The following GPR137 variants were observed in gnomAD, a reference collection of about 807,000 sequenced individuals.
The protein encoded by GPR137 is G protein-coupled receptor 137, also known as integral membrane protein GPR137.
GPR137 carries 20 observed loss-of-function variants against 38.9 expected under a neutral mutation model. The observed-to-expected ratio is 0.51, with a 90% confidence interval of 0.36 to 0.75. The LOEUF (loss-of-function observed/expected upper bound fraction) is 0.75, where lower values mean the gene tolerates loss of function less well. Ranked by LOEUF, GPR137 falls within the 30% of genes least tolerant of loss-of-function variation. GPR137 has a pLI of 0.00. For synonymous variants in GPR137, 226 were observed against 235.8 expected, an observed-to-expected ratio of 0.96 and a Z score of 0.38; for missense variants, 456 against 526.4, an observed-to-expected ratio of 0.87 and a Z score of 1.31.
At chr11:64,285,748 G>T, upstream of GPR137, 1 of 985,366 alleles carries the variant, frequency 1.0e-6, no homozygotes, top group Non-Finnish European at 1.2e-6. Context: ...TTCTCGTACG[G>T]TTTCACGCCG....
rs2034113881 is a variant in GPR137 at position 64,286,728 on chromosome 11, C to G, written c.204C>G (p.Leu68=). The change falls in exon 1 of 7, where the codon CTC becomes CTG. Residue 68 remains leucine, a synonymous_variant. Transcript: ENST00000438980. ...YQTVFLALCL[L]WAALRTTLFS... ...CGGTGTTCCTGGCCCTCTGTCTGCT[C>G]TGGGCCGCCTTGCGTACCACCCTCT... The G allele has an allele frequency of 1.2e-6, 2 of 1,613,512 alleles. No individual in the cohort carries two copies. The highest frequency in any genetic ancestry group is 1.7e-6 in the Non-Finnish European group (2 of 1,179,718).
chr11:64,287,537 C>T (rs554629174), intron 2 of GPR137, 184 bp from the exon 3 acceptor site: 1 of 779,100 alleles, frequency 1.3e-6, no homozygotes, highest in Non-Finnish European at 1.6e-6. Flanking sequence ...TTCCGAAGTA[C>T]CATGGCTGTC....
upstream of GPR137, among the ~76,000 whole-genome samples, chr11:64,271,162 A>ACACG (rs1335844292): frequency 9.6e-3 from 2 of 208 alleles, 1 homozygote; most frequent in Non-Finnish European, 0.029. Context: ...ACACACACAC[A>ACACG]CCTGGAGTGG....
upstream of GPR137, chr11:64,284,606 C>T (rs2135155066): frequency 4.0e-6 from 6 of 1,501,582 alleles, no homozygotes; most frequent in African/African-American, 2.8e-5. Flanking sequence ...CCGCCCCGCC[C>T]GTGGTGACGG....
upstream of GPR137, among the ~76,000 whole-genome samples, chr11:64,281,434 T>G (rs2033462904): frequency 6.6e-6 from 1 of 152,240 alleles, no homozygotes; most frequent in Non-Finnish European, 1.5e-5. Flanking sequence ...AATCTGACCA[T>G]GCTGCCTCTG....
chr11:64,276,954 C>T lies in GPR137; in HGVS notation c.-16+533C>T, dbSNP rs572347455. 4.4e-5 allele frequency: 33 copies of T among 754,516 alleles called. No individual in the cohort carries two copies. The East Asian group carries it at 5.7e-4, about 13-fold the overall frequency. 46.7% of individuals were successfully genotyped at this position (754,516 alleles called of 1,614,324 possible). A position where few individuals can be genotyped will look rare whatever the true frequency, so the allele number is the denominator to read the frequency against. ...TGGGCTTCTGAGTCAGCGGCTGGGG[C>T]GGACATCCCTGCTGATGCTTCCGCG... On this transcript the variant is annotated intron_variant, in intron 2 of 2. Transcript: ENST00000538244.
Position 64,286,717 on chromosome 11 carries a change from C to T in GPR137, c.193C>T (p.Leu65Phe). The T allele has an allele frequency of 6.2e-7, 1 of 1,613,792 alleles. No individual in the cohort carries two copies. Among genetic ancestry groups the T allele is most frequent in the Non-Finnish European group, 8.5e-7 (1 of 1,179,810 alleles). Residue 65 changes from leucine to phenylalanine, a missense_variant, in exon 1 of 7, where the codon CTC (leucine) becomes TTC (phenylalanine). Leu to Phe is a conservative substitution (Grantham distance 22). Transcript: ENST00000438980. ...CAGCTATCAGACGGTGTTCCTGGCCCTCTGTCTGCTCTGGGCCGCCTTGCG... is the reference window on the plus strand; with the variant it reads ...CAGCTATCAGACGGTGTTCCTGGCCTTCTGTCTGCTCTGGGCCGCCTTGCG... Reference protein sequence around the residue: ...RLSYQTVFLALCLLWAALRTT... With the variant: ...RLSYQTVFLAFCLLWAALRTT...
At chr11:64,276,330 G>T (rs1297876516) in intron 1 of GPR137, 1 of 82,306 alleles carries the variant, frequency 1.2e-5, no homozygotes, top group East Asian at 4.2e-4. Context: ...ATATATATAT[G>T]TATTTTTTTT....
At chr11:64,277,661 ACTC>A (rs1383294925) in intron 2 of GPR137, among the ~76,000 whole-genome samples, 1 of 151,934 alleles carries the variant, frequency 6.6e-6, no homozygotes, top group African/African-American at 2.4e-5. Flanking sequence ...CTGGTCTCGA[ACTC>A]CTGAGCTCAA....
At chr11:64,271,657 G>A, upstream of GPR137, 1 of 1,509,408 alleles carries the variant, frequency 6.6e-7, no homozygotes, top group Non-Finnish European at 8.9e-7. Context: ...CGGAGCTCGC[G>A]GCCATAGCGC....
At chr11:64,271,757 CGCGGG>C, upstream of GPR137, 3 of 1,445,612 alleles carry the variant, frequency 2.1e-6, no homozygotes, top group Non-Finnish European at 1.8e-6. Context: ...CCTCCGTCCC[CGCGGG>C]GTAGGAGCTG....
At chr11:64,280,394 C>A (rs2033381839), upstream of GPR137, among the ~76,000 whole-genome samples, 2 of 143,176 alleles carry the variant, frequency 1.4e-5, no homozygotes. Flanking sequence ...CTCTGTCGCC[C>A]AGGCTGGAGT....
chr11:64,287,068 GTCCCATGTAGA>G, intron 2 of GPR137, 54 bp downstream of exon 2: 2 of 1,588,078 alleles, frequency 1.3e-6, no homozygotes, highest in Non-Finnish European at 1.7e-6. Flanking sequence ...GCAGGTGACA[GTCCCATGTAGA>G]TCCCTTCCCA....
chr11:64,278,257 G>C (rs1374797802), intron 2 of GPR137, among the ~76,000 whole-genome samples: 1 of 151,974 alleles, frequency 6.6e-6, no homozygotes, highest in Non-Finnish European at 1.5e-5. Flanking sequence ...AGCCAAGAAT[G>C]TACATAAAGG....
chr11:64,274,160 A>C (rs2032859275), upstream of GPR137, among the ~76,000 whole-genome samples: 1 of 152,160 alleles, frequency 6.6e-6, no homozygotes, highest in South Asian at 2.1e-4. Flanking sequence ...TGGGAGGCCG[A>C]GGCAGGCGCA....
chr11:64,270,778 G>C (rs1788474876), upstream of GPR137: 3 of 426,160 alleles, frequency 7.0e-6, no homozygotes, highest in Non-Finnish European at 1.4e-5. Flanking sequence ...CTGGGCGACA[G>C]AGCGCACAGG....
At chr11:64,277,830 C>G (rs1403782160) in intron 2 of GPR137, among the ~76,000 whole-genome samples, 1 of 152,208 alleles carries the variant, frequency 6.6e-6, no homozygotes, top group African/African-American at 2.4e-5. Context: ...CTGTGACAAC[C>G]ACTCACCTTT....
chr11:64,285,747 G>A, upstream of GPR137: 1 of 985,372 alleles, frequency 1.0e-6, no homozygotes, highest in Non-Finnish European at 1.2e-6. Flanking sequence ...ATTCTCGTAC[G>A]GTTTCACGCC....
chr11:64,284,386 C>T (rs751524539), upstream of GPR137: 4 of 1,612,264 alleles, frequency 2.5e-6, no homozygotes, highest in South Asian at 4.4e-5. Flanking sequence ...GCTGTGAGGA[C>T]AAGATGTTAC....
Sources: gnomAD v4.1 joint callset for allele counts (sites outside exome capture counted in the v4.1 genomes callset) on GRCh38, gnomAD v4.1.1 for gene constraint, MANE v1.5 for transcripts, NCBI Gene and HGNC (gene_info 2026-07-23, HGNC 2026-07-21) for gene names.